The following RFX3 variants were observed in gnomAD, a reference collection of about 807,000 sequenced individuals.
The protein encoded by RFX3 is regulatory factor X3, also known as transcription factor RFX3.
A neutral mutation model predicts 98.6 loss-of-function variants in RFX3; 14 were observed. The ratio of observed to expected loss-of-function variants is 0.14; its 90% CI spans 0.09 to 0.22. The LOEUF is 0.22. Among genes scored for constraint, RFX3 ranks in the 10% least tolerant of loss-of-function variants. RFX3 has a pLI of 1.00. For missense variants in RFX3, 639 were observed against 926.9 expected (o/e 0.69, Z 4.03); for synonymous variants, 383 against 328.4 (o/e 1.17, Z -1.80).
At chr9:3,294,424 G>A (rs1827755043) in intron 5 of RFX3, among the ~76,000 whole-genome samples, 1 of 152,036 alleles carries the variant, frequency 6.6e-6, no homozygotes, top group African/African-American at 2.4e-5. Flanking sequence ...CACCAACCAT[G>A]AGCCAAGTAA....
intron 1 of RFX3, among the ~76,000 whole-genome samples, chr9:3,461,724 T>C (rs994808848): frequency 1.3e-5 from 2 of 151,932 alleles, no homozygotes; most frequent in Admixed American, 6.6e-5. Flanking sequence ...AGTATTAACA[T>C]CTCTGTGAAT....
At chr9:3,488,006 T>C (rs962612374) in intron 1 of RFX3, among the ~76,000 whole-genome samples, 11 of 152,288 alleles carry the variant, frequency 7.2e-5, no homozygotes, top group East Asian at 5.8e-4. Context: ...GCATGACCTA[T>C]TGAAAATATG....
At chr9:3,431,902 G>T (rs1236268880) in intron 1 of RFX3, among the ~76,000 whole-genome samples, 1 of 152,158 alleles carries the variant, frequency 6.6e-6, no homozygotes, top group African/African-American at 2.4e-5. Flanking sequence ...ATGCCACAAA[G>T]AACACATATG....
At chr9:3,286,796 A>C (rs1826666343) in intron 7 of RFX3, among the ~76,000 whole-genome samples, 1 of 151,904 alleles carries the variant, frequency 6.6e-6, no homozygotes. Flanking sequence ...TCCTTCTGTA[A>C]TACCAGCCTC....
chr9:3,227,631 T>C (rs911377270), intron 16 of RFX3, among the ~76,000 whole-genome samples: 2 of 152,192 alleles, frequency 1.3e-5, no homozygotes, highest in African/African-American at 4.8e-5. Flanking sequence ...CTGGACACCC[T>C]GGGATGAAAT....
chr9:3,368,555 C>G (rs1373571253), intron 2 of RFX3, among the ~76,000 whole-genome samples: 1 of 152,074 alleles, frequency 6.6e-6, no homozygotes, highest in Non-Finnish European at 1.5e-5. Context: ...AATGGTCTTA[C>G]CAATAAGATA....
intron 2 of RFX3, among the ~76,000 whole-genome samples, chr9:3,376,334 G>A (rs1234470294): frequency 6.6e-6 from 1 of 152,066 alleles, no homozygotes; most frequent in African/African-American, 2.4e-5. Context: ...TCCACTCCTA[G>A]GTATTTACCC....
At chr9:3,256,167 T>C (rs1822115316) in intron 14 of RFX3, among the ~76,000 whole-genome samples, 1 of 152,102 alleles carries the variant, frequency 6.6e-6, no homozygotes, top group South Asian at 2.1e-4. Context: ...AGACGGGGTT[T>C]TACCGTGTTA....
At chr9:3,479,592 A>G (rs1029014705) in intron 1 of RFX3, among the ~76,000 whole-genome samples, 4 of 152,166 alleles carry the variant, frequency 2.6e-5, no homozygotes, top group African/African-American at 7.2e-5. Flanking sequence ...ATCATCAAAA[A>G]CAAAGGTGAT....
At chr9:3,412,981 T>G (rs1842584690) in intron 1 of RFX3, among the ~76,000 whole-genome samples, 1 of 152,082 alleles carries the variant, frequency 6.6e-6, no homozygotes, top group South Asian at 2.1e-4. Context: ...TTATATTGAG[T>G]CTAAAAATCA....
In RFX3 at chr9:3,221,644, G is replaced by A. The variant is rs1163888213; in HGVS notation, c.*3398C>T. 6.6e-6 allele frequency: 1 copy of A among 152,102 alleles called. No homozygotes were observed. The highest frequency in any genetic ancestry group is 1.5e-5 in the Non-Finnish European group (1 of 67,980). The allele number at this position is 152,102 out of a possible 1,614,324, so 9.4% of individuals were successfully genotyped here. A position where few individuals can be genotyped will look rare whatever the true frequency, so the allele number is the denominator to read the frequency against. On this transcript the variant is annotated 3_prime_UTR_variant, in exon 17 of 17. Transcript: ENST00000617270. ...ATCCTGAATAAGTGACTAGCAACTT[G>A]ATAGCCAAAGAAAAAATTGAAAATT...
chr9:3,392,753 A>G lies in RFX3; in HGVS notation c.117+2719T>C, dbSNP rs182070892. Among the ~76,000 whole-genome samples the G allele has an allele frequency of 2.8e-3, 419 of 152,252 alleles. 3 individuals carry two copies. Among genetic ancestry groups the G allele is most frequent in the African/African-American group, 9.7e-3 (402 of 41,550 alleles). ...AAAAAAAATCACATAAACCACATAA[A>G]AAAGATCAGAAATCAGATTGGTGTT... is the stretch of plus-strand genomic sequence containing the variant. On this transcript the variant is annotated intron_variant, in intron 2 of 16. Transcript: ENST00000617270.
intron 2 of RFX3, among the ~76,000 whole-genome samples, chr9:3,376,895 T>TA (rs1374752720): frequency 6.6e-6 from 1 of 152,160 alleles, no homozygotes; most frequent in African/African-American, 2.4e-5. Context: ...CACTATGAGA[T>TA]ACCATCTCAC....
At chr9:3,515,985 C>G (rs7866446) in intron 1 of RFX3, among the ~76,000 whole-genome samples, 1 of 152,086 alleles carries the variant, frequency 6.6e-6, no homozygotes, top group African/African-American at 2.4e-5. Flanking sequence ...AATGCTTCCT[C>G]TTTTAGCCTG....
intron 3 of RFX3, among the ~76,000 whole-genome samples, chr9:3,331,541 G>A (rs908803349): frequency 2.0e-5 from 3 of 151,892 alleles, no homozygotes; most frequent in Non-Finnish European, 4.4e-5. Context: ...ATTCCTGAGA[G>A]TTTGGTGTAT....
At chr9:3,316,506 G>C (rs1196387642) in intron 4 of RFX3, among the ~76,000 whole-genome samples, 1 of 152,188 alleles carries the variant, frequency 6.6e-6, no homozygotes, top group Non-Finnish European at 1.5e-5. Flanking sequence ...ATTCAACATA[G>C]TGTTGGAAGT....
chr9:3,339,085 A>C (rs184102158), intron 3 of RFX3, among the ~76,000 whole-genome samples: 117 of 152,132 alleles, frequency 7.7e-4, no homozygotes, highest in African/African-American at 2.7e-3. Context: ...CAAGACTCCA[A>C]CTCAAAAATA....
At chr9:3,369,105 A>G (rs938910094) in intron 2 of RFX3, among the ~76,000 whole-genome samples, 1 of 152,202 alleles carries the variant, frequency 6.6e-6, no homozygotes, top group African/African-American at 2.4e-5. Flanking sequence ...ACACCAGGAG[A>G]AAAAGATAGG....
chr9:3,478,965 G>GA (rs879802436), intron 1 of RFX3, among the ~76,000 whole-genome samples: 1 of 152,124 alleles, frequency 6.6e-6, no homozygotes, highest in Non-Finnish European at 1.5e-5. Flanking sequence ...CACTCTCTCT[G>GA]AAAAGAGTTT....
Sources: allele counts gnomAD v4.1 joint callset (sites outside exome capture counted in the v4.1 genomes callset), GRCh38; gene constraint gnomAD v4.1.1; transcripts MANE v1.5; gene names NCBI Gene and HGNC (gene_info 2026-07-23, HGNC 2026-07-21).